RBFOX1: variants seen among roughly 807,000 people sequenced by gnomAD.
RBFOX1 encodes the protein RNA binding protein fox-1 homolog 1.
RBFOX1 carries 8 observed loss-of-function variants against 57.7 expected under a neutral mutation model. The ratio of observed to expected loss-of-function variants is 0.14; its 90% CI spans 0.08 to 0.25. RBFOX1 has a LOEUF of 0.25. Ranked by LOEUF, RBFOX1 falls within the 10% of genes least tolerant of loss-of-function variation. The pLI is 1.00. For synonymous variants in RBFOX1, 326 were observed against 222.4 expected, an observed-to-expected ratio of 1.47 and a Z score of -4.15; for missense variants, 611 against 548.5, an observed-to-expected ratio of 1.11 and a Z score of -1.14.
intron 3 of RBFOX1, among the ~76,000 whole-genome samples, chr16:5,866,566 A>T (rs1490611684): frequency 6.6e-6 from 1 of 152,240 alleles, no homozygotes; most frequent in Non-Finnish European, 1.5e-5. Flanking sequence ...CTAGGCATAG[A>T]TGAACAATGT....
At chr16:6,513,080 A>G (rs895799555) in intron 2 of RBFOX1, among the ~76,000 whole-genome samples, 5 of 152,220 alleles carry the variant, frequency 3.3e-5, no homozygotes, top group African/African-American at 1.2e-4. Context: ...GAAGAATCCA[A>G]GTCAGCCAGT....
At chr16:7,360,153 A>T (rs1420549393) in intron 4 of RBFOX1, among the ~76,000 whole-genome samples, 1 of 152,202 alleles carries the variant, frequency 6.6e-6, no homozygotes, top group African/African-American at 2.4e-5. Flanking sequence ...TCATGTATAT[A>T]CTATTTAATA....
chr16:7,618,150 C>G (rs2058757125), intron 10 of RBFOX1, among the ~76,000 whole-genome samples: 1 of 152,042 alleles, frequency 6.6e-6, no homozygotes, highest in Non-Finnish European at 1.5e-5. Context: ...TGCATAAGAC[C>G]TTAAAATTTT....
intron 3 of RBFOX1, among the ~76,000 whole-genome samples, chr16:6,896,156 C>A (rs562784195): frequency 6.6e-6 from 1 of 151,952 alleles, no homozygotes; most frequent in Non-Finnish European, 1.5e-5. Flanking sequence ...GTCTGTAATC[C>A]CAGCTACTCA....
Position 7,693,430 on chromosome 16 carries a change from T to TTTTTC in RBFOX1, c.996-15623_996-15619dup, listed in dbSNP as rs1555787131. 8 of 1,322,714 alleles carry TTTTTC rather than the reference T, an allele frequency of 6.0e-6. No homozygotes were observed. The African/African-American group carries it at 1.2e-4, about 20-fold the overall frequency. The allele number at this position is 1,322,714 out of a possible 1,614,324, so 81.9% of individuals were successfully genotyped here. A position where few individuals can be genotyped will look rare whatever the true frequency, so the allele number is the denominator to read the frequency against. ...GTCTCAGTATCCTTTTTTTTTTTTT[T>TTTTTC]TTTTCTTCTTCACATGCTGCAGTTG... On this transcript the variant is annotated intron_variant, in intron 14 of 15. Transcript: ENST00000550418.
intron 2 of RBFOX1, among the ~76,000 whole-genome samples, chr16:5,500,106 TCCCTC>T (rs757775909): frequency 0.014 from 1,740 of 125,100 alleles, 17 homozygotes; most frequent in Middle Eastern, 0.042. Flanking sequence ...TTCCCTCCCT[TCCCTC>T]CCTTCCCTCC....
At chr16:5,718,046 T>C (rs1053940961) in intron 3 of RBFOX1, among the ~76,000 whole-genome samples, 2 of 152,212 alleles carry the variant, frequency 1.3e-5, no homozygotes, top group African/African-American at 2.4e-5. Flanking sequence ...TTGACTTTGG[T>C]ATTGGCCAGG....
chr16:7,299,331 T>C (rs533871737), intron 4 of RBFOX1, among the ~76,000 whole-genome samples: 1 of 152,308 alleles, frequency 6.6e-6, no homozygotes, highest in South Asian at 2.1e-4. Flanking sequence ...TCATTTGTAG[T>C]GGGAGCGAGT....
chr16:6,557,018 TATATATACATATATAC>T (rs1217200493), intron 2 of RBFOX1, among the ~76,000 whole-genome samples: 1,380 of 125,668 alleles, frequency 0.011, 33 homozygotes, highest in African/African-American at 0.052. Flanking sequence ...TATATATACA[TATATATACATATATAC>T]ACATATATAT....
At chr16:5,294,505 C>T (rs1292605232) in intron 1 of RBFOX1, among the ~76,000 whole-genome samples, 6 of 152,080 alleles carry the variant, frequency 3.9e-5, no homozygotes, top group Non-Finnish European at 5.9e-5. Flanking sequence ...GTCTAACAAC[C>T]GGCTGCCTCA....
chr16:6,726,068 C>T (rs1205097823), intron 3 of RBFOX1, among the ~76,000 whole-genome samples: 2 of 152,120 alleles, frequency 1.3e-5, no homozygotes, highest in Non-Finnish European at 2.9e-5. Flanking sequence ...CGTGTTGACT[C>T]CTACGTGATT....
At chr16:6,576,453 A>G (rs2097437944) in intron 2 of RBFOX1, among the ~76,000 whole-genome samples, 1 of 152,234 alleles carries the variant, frequency 6.6e-6, no homozygotes, top group African/African-American at 2.4e-5. Context: ...CAACATTGTA[A>G]CATAATATTA....
In RBFOX1 at chr16:6,019,669, C is replaced by G; in HGVS notation, c.-450C>G. The G allele has an allele frequency of 2.3e-6, 3 of 1,305,144 alleles. No individual in the cohort carries two copies. The highest frequency in any genetic ancestry group is 2.9e-6 in the Non-Finnish European group (3 of 1,026,932). The allele number at this position is 1,305,144 out of a possible 1,614,324, so 80.8% of individuals were successfully genotyped here. ...CAGCCGTGGGCCCCGCCCCGGCGTC[C>G]GGAGCAGGAGAACTCCGAGCTTCTT... On this transcript the variant is annotated 5_prime_UTR_variant, in exon 1 of 16. Transcript: ENST00000550418. This position sits in a 1 kb window ranked among gnomAD's most constrained non-coding sequence, Gnocchi z 4.2.
chr16:5,344,187 T>C (rs1321700026), intron 1 of RBFOX1, among the ~76,000 whole-genome samples: 2 of 152,228 alleles, frequency 1.3e-5, no homozygotes, highest in Non-Finnish European at 2.9e-5. Context: ...CTGAATGCAC[T>C]CTGCAAATGT....
chr16:6,229,702 A>G (rs1265647949), intron 1 of RBFOX1, among the ~76,000 whole-genome samples: 1 of 142,244 alleles, frequency 7.0e-6, no homozygotes. Flanking sequence ...CAGATTTTCA[A>G]GGCTTAAAAA....
At chr16:5,759,621 A>T (rs570584432) in intron 3 of RBFOX1, among the ~76,000 whole-genome samples, 1 of 152,196 alleles carries the variant, frequency 6.6e-6, no homozygotes, top group East Asian at 1.9e-4. Flanking sequence ...CATGTGCTAG[A>T]TCTCCATTTG....
chr16:7,231,876 T>C (rs2152922823), intron 4 of RBFOX1, among the ~76,000 whole-genome samples: 1 of 152,198 alleles, frequency 6.6e-6, no homozygotes, highest in African/African-American at 2.4e-5. Flanking sequence ...AGAAAGCAGA[T>C]TGGTGGTTGC....
intron 2 of RBFOX1, among the ~76,000 whole-genome samples, chr16:6,467,341 C>A (rs1042793476): frequency 1.3e-5 from 2 of 151,900 alleles, no homozygotes; most frequent in Admixed American, 6.6e-5. Context: ...AGTGTTGTAA[C>A]AACACCAGGA....
At chr16:6,839,569 C>G (rs1375111732) in intron 3 of RBFOX1, among the ~76,000 whole-genome samples, 1 of 152,124 alleles carries the variant, frequency 6.6e-6, no homozygotes, top group Non-Finnish European at 1.5e-5. Context: ...AAATGCCAGC[C>G]CTGCTGGTAT....
Sources: allele counts gnomAD v4.1 joint callset (sites outside exome capture counted in the v4.1 genomes callset), GRCh38; gene constraint gnomAD v4.1.1; non-coding constraint Gnocchi (gnomAD v3.1); transcripts MANE v1.5; gene names NCBI Gene and HGNC (gene_info 2026-07-23, HGNC 2026-07-21).